KDM4B: variants seen among roughly 807,000 people sequenced by gnomAD.
KDM4B encodes the protein lysine-specific demethylase 4B.
In KDM4B, 32 loss-of-function variants were observed where a neutral mutation model predicts 125.2. The observed-to-expected ratio is 0.26, with a 90% CI of 0.19 to 0.34. The LOEUF is 0.34. Among genes scored for constraint, KDM4B ranks in the 10% least tolerant of loss-of-function variants. The pLI is 1.00. For missense variants in KDM4B, 1,190 were observed against 1,577.7 expected (o/e 0.75, Z 4.16); for synonymous variants, 721 against 677.9 (o/e 1.06, Z -0.99).
chr19:5,141,882 C>T lies in KDM4B; in HGVS notation c.2551-2085C>T, dbSNP rs1415904545. Among the ~76,000 whole-genome samples, 1 of 151,838 alleles carries T rather than the reference C, an allele frequency of 6.6e-6. No individual in the cohort carries two copies. The highest frequency in any genetic ancestry group is 2.4e-5 in the African/African-American group (1 of 41,286). ...GGGATGGGGGGAGGCGCCTCCAGGGCAGCAGGAGGGGTGGGCAGTTGCACC... is the reference window on the plus strand; with the variant it reads ...GGGATGGGGGGAGGCGCCTCCAGGGTAGCAGGAGGGGTGGGCAGTTGCACC... On this transcript the variant is annotated intron_variant, in intron 18 of 22. Coordinates refer to ENST00000159111, the MANE Select transcript of KDM4B (RefSeq NM_015015.3). The surrounding 1 kb of genome is among the most constrained non-coding windows in gnomAD (Gnocchi z 6.4).
At chr19:5,062,665 T>A (rs2037640552) in intron 6 of KDM4B, among the ~76,000 whole-genome samples, 2 of 152,214 alleles carry the variant, frequency 1.3e-5, no homozygotes, top group Non-Finnish European at 2.9e-5. Context: ...TGACTTTTTT[T>A]TTTAATTAAA....
chr19:5,135,035 CCCCAGCGCCAGGGGCCA>C (rs1211092461), intron 14 of KDM4B, among the ~76,000 whole-genome samples: 1 of 152,218 alleles, frequency 6.6e-6, no homozygotes, highest in African/African-American at 2.4e-5. Context: ...CCCCAGCATA[CCCCAGCGCCAGGGGCCA>C]CCCAGCACCA....
intron 15 of KDM4B, among the ~76,000 whole-genome samples, chr19:5,136,781 G>A (rs866548399): frequency 9.8e-5 from 15 of 152,340 alleles, no homozygotes; most frequent in African/African-American, 3.1e-4. Flanking sequence ...GCCCTGGGGG[G>A]CAGGCGGCAC....
chr19:5,068,955 T>C (rs1317897335), intron 6 of KDM4B, among the ~76,000 whole-genome samples: 1 of 152,236 alleles, frequency 6.6e-6, no homozygotes, highest in Non-Finnish European at 1.5e-5. Context: ...ATCGCAGCCT[T>C]GGAGCCATAA....
At chr19:4,978,022 G>A (rs2145306525) in intron 1 of KDM4B, among the ~76,000 whole-genome samples, 1 of 152,304 alleles carries the variant, frequency 6.6e-6, no homozygotes, top group East Asian at 1.9e-4. Flanking sequence ...GGCAGAGCGG[G>A]CCTCCTGTCT....
chr19:5,021,555 A>G (rs1476152484), intron 2 of KDM4B, among the ~76,000 whole-genome samples: 1 of 152,156 alleles, frequency 6.6e-6, no homozygotes, highest in African/African-American at 2.4e-5. Flanking sequence ...CCTGGGCGAT[A>G]CAGCAAGACC....
rs200687141 is a variant in KDM4B at position 5,131,116 on chromosome 19, C to T, written c.1356C>T (p.Ser452=). The T allele has an allele frequency of 3.1e-4, 468 of 1,525,288 alleles. 1 individual carries two copies. The East Asian group carries it at 3.3e-3, about 11-fold the overall frequency. 94.5% of individuals were successfully genotyped at this position (1,525,288 alleles called of 1,614,324 possible). A position where few individuals can be genotyped will look rare whatever the true frequency, so the allele number is the denominator to read the frequency against. ...RGKLRPTKAK[S]ERKKKSFGLL... Reference sequence around the variant, plus strand: ...AGCTGCGGCCAACCAAGGCCAAGAGCGAGCGGAAGAAGAAGAGCTTCGGCC... The same window carrying T: ...AGCTGCGGCCAACCAAGGCCAAGAGTGAGCGGAAGAAGAAGAGCTTCGGCC... Residue 452 remains serine, a synonymous_variant, in exon 12 of 23, where the codon AGC becomes AGT. Coordinates refer to ENST00000159111, the MANE Select transcript of KDM4B (RefSeq NM_015015.3).
chr19:5,110,913 G>A (rs2039130998), intron 10 of KDM4B, 95 bp downstream of exon 10: 1 of 1,004,228 alleles, frequency 1.0e-6, no homozygotes, highest in Non-Finnish European at 1.4e-6. Context: ...AGGGGCTCCG[G>A]GCCGTGTCCC....
At chr19:5,061,962 G>A (rs1361586172) in intron 6 of KDM4B, among the ~76,000 whole-genome samples, 1 of 152,234 alleles carries the variant, frequency 6.6e-6, no homozygotes, top group East Asian at 1.9e-4. Flanking sequence ...CCCAGGCTGG[G>A]CTCCATTTCT....
At chr19:4,999,384 GA>G (rs1338689815) in intron 1 of KDM4B, among the ~76,000 whole-genome samples, 3 of 152,056 alleles carry the variant, frequency 2.0e-5, no homozygotes, top group Non-Finnish European at 4.4e-5. Flanking sequence ...TTGGCACTGG[GA>G]TGCTCCCAGC....
rs2038307124 is a variant in KDM4B, at chr19:5,081,897, C to T, written c.781-470C>T. Among the ~76,000 whole-genome samples, 1 of 152,202 alleles carries T rather than the reference C, an allele frequency of 6.6e-6. No homozygotes were observed. The highest frequency in any genetic ancestry group is 1.5e-5 in the Non-Finnish European group (1 of 68,022). ...GAGCACTCTAAAGCTGCTGTCAGCA[C>T]CACCCGCCCCGAAACCAGCCCCAGC... is the stretch of plus-strand genomic sequence containing the variant. On this transcript the variant is annotated intron_variant, in intron 8 of 22. Transcript: ENST00000159111. This position sits in a 1 kb window ranked among gnomAD's most constrained non-coding sequence, Gnocchi z 4.2.
At chr19:4,987,536 T>C (rs538092834) in intron 1 of KDM4B, among the ~76,000 whole-genome samples, 1 of 152,146 alleles carries the variant, frequency 6.6e-6, no homozygotes, top group African/African-American at 2.4e-5. Flanking sequence ...TTGCGATGTT[T>C]CTGGCTGGAG....
chr19:5,027,397 T>A (rs959032040), intron 2 of KDM4B, among the ~76,000 whole-genome samples: 2 of 152,204 alleles, frequency 1.3e-5, no homozygotes, highest in Non-Finnish European at 2.9e-5. Context: ...GGGATGAAGC[T>A]GCCGTTTGCA....
chr19:5,053,150 C>T (rs1426913489), intron 6 of KDM4B, among the ~76,000 whole-genome samples: 1 of 152,264 alleles, frequency 6.6e-6, no homozygotes, highest in Non-Finnish European at 1.5e-5. Flanking sequence ...CCACACTGCA[C>T]TCTGTCACCA....
intron 6 of KDM4B, among the ~76,000 whole-genome samples, chr19:5,051,121 A>C (rs2093350568): frequency 4.6e-5 from 7 of 152,170 alleles, no homozygotes; most frequent in Admixed American, 4.6e-4. Flanking sequence ...CAGTGTCGCC[A>C]GCAGCATCAC....
At chr19:4,982,506 T>C (rs197157) in intron 1 of KDM4B, among the ~76,000 whole-genome samples, 2,924 of 147,114 alleles carry the variant, frequency 0.02, 94 homozygotes, top group African/African-American at 0.069. Context: ...ATATGTAAAA[T>C]GTTGTATTTC....
In KDM4B at chr19:5,134,010, G is replaced by A. The variant is rs369572642; in HGVS notation, c.2034G>A (p.Ala678=). 24 of 1,611,056 alleles carry A rather than the reference G, an allele frequency of 1.5e-5. No homozygotes were observed. The highest frequency in any genetic ancestry group is 1.5e-4 in the African/African-American group (11 of 75,046). The change falls in exon 14 of 23, where the codon GCG becomes GCA. Residue 678 remains alanine, a synonymous_variant. Coordinates refer to ENST00000159111, the MANE Select transcript of KDM4B (RefSeq NM_015015.3). ...QAERKFNAAA[A]RTEPYCAICT... ...AGAGGAAGTTCAACGCAGCGGCTGCGCGCACGGAGCCCTACTGCGCCATCT... is the reference window on the plus strand; with the variant it reads ...AGAGGAAGTTCAACGCAGCGGCTGCACGCACGGAGCCCTACTGCGCCATCT...
chr19:5,153,078 A>G lies in KDM4B; in HGVS notation c.*1567A>G, dbSNP rs2039974787. ...AAAAAAAAGCAATGTTTATATTATA[A>G]AAGAGTGTCCTAACAGTCCCCGGGC... On this transcript the variant is annotated 3_prime_UTR_variant, in exon 23 of 23. Coordinates refer to ENST00000159111, the MANE Select transcript of KDM4B (RefSeq NM_015015.3). 2 of 152,554 alleles carry G rather than the reference A, an allele frequency of 1.3e-5. No homozygotes were observed. Among genetic ancestry groups the G allele is most frequent in the South Asian group, 4.1e-4 (2 of 4,826 alleles). 9.5% of individuals were successfully genotyped at this position (152,554 alleles called of 1,614,324 possible). A position where few individuals can be genotyped will look rare whatever the true frequency, so the allele number is the denominator to read the frequency against.
At chr19:5,066,517 T>C (rs1026227127) in intron 6 of KDM4B, among the ~76,000 whole-genome samples, 1 of 152,242 alleles carries the variant, frequency 6.6e-6, no homozygotes, top group Non-Finnish European at 1.5e-5. Flanking sequence ...CTCACGTGTC[T>C]TGTGTCCCCA....
Sources: allele counts gnomAD v4.1 joint callset (sites outside exome capture counted in the v4.1 genomes callset), GRCh38; gene constraint gnomAD v4.1.1; non-coding constraint Gnocchi (gnomAD v3.1); transcripts MANE v1.5; gene names NCBI Gene and HGNC (gene_info 2026-07-23, HGNC 2026-07-21).